FOXN3: variants seen among roughly 807,000 people sequenced by gnomAD.
FOXN3 encodes forkhead box N3, also known as forkhead box protein N3.
In FOXN3, 7 loss-of-function variants were observed where a neutral mutation model predicts 38.4. The observed-to-expected ratio is 0.18, with a 90% CI of 0.10 to 0.34. The LOEUF is 0.34. Among genes scored for constraint, FOXN3 ranks in the 10% least tolerant of loss-of-function variants. FOXN3 has a pLI of 1.00. For synonymous variants in FOXN3, 230 were observed against 242.2 expected, an observed-to-expected ratio of 0.95 and a Z score of 0.47; for missense variants, 456 against 613.4, an observed-to-expected ratio of 0.74 and a Z score of 2.71.
At chr14:89,319,617 C>T (rs1887842369) in intron 3 of FOXN3, among the ~76,000 whole-genome samples, 1 of 152,048 alleles carries the variant, frequency 6.6e-6, no homozygotes, top group South Asian at 2.1e-4. Flanking sequence ...TGCTGAGAAC[C>T]CTCCTGAAAT....
At chr14:89,359,116 T>C (rs948452185) in intron 2 of FOXN3, among the ~76,000 whole-genome samples, 2 of 151,984 alleles carry the variant, frequency 1.3e-5, no homozygotes, top group African/African-American at 4.8e-5. Context: ...GTCAACATGG[T>C]GAAACCTGTC....
chr14:89,392,040 T>C (rs751869748), intron 2 of FOXN3, among the ~76,000 whole-genome samples: 1 of 152,156 alleles, frequency 6.6e-6, no homozygotes, highest in East Asian at 1.9e-4. Context: ...TCATTCCCCA[T>C]CAAAAAATGG....
chr14:89,540,737 CAAAAAA>C (rs34410482), intron 1 of FOXN3, among the ~76,000 whole-genome samples: 1 of 91,236 alleles, frequency 1.1e-5, no homozygotes, highest in African/African-American at 4.5e-5. Context: ...GACTATGTCT[CAAAAAA>C]AAAAAAAAAA....
At chr14:89,360,171 C>T (rs1185896984) in intron 2 of FOXN3, among the ~76,000 whole-genome samples, 2 of 152,132 alleles carry the variant, frequency 1.3e-5, no homozygotes, top group Non-Finnish European at 2.9e-5. Context: ...GCACAAAATG[C>T]CCTCCCCTCC....
At chr14:89,428,870 G>A (rs1030074975) in intron 1 of FOXN3, among the ~76,000 whole-genome samples, 5 of 152,218 alleles carry the variant, frequency 3.3e-5, no homozygotes, top group Non-Finnish European at 7.3e-5. Context: ...ACTTCTGGAT[G>A]GAGGCCAGTC....
chr14:89,498,103 T>G (rs1893722432), intron 1 of FOXN3, among the ~76,000 whole-genome samples: 1 of 151,958 alleles, frequency 6.6e-6, no homozygotes, highest in South Asian at 2.1e-4. Context: ...TGAGTTAGGT[T>G]GTTCTTTTAG....
intron 1 of FOXN3, among the ~76,000 whole-genome samples, chr14:89,607,794 T>C (rs1262432095): frequency 2.0e-5 from 3 of 149,012 alleles, no homozygotes; most frequent in Non-Finnish European, 4.4e-5. Context: ...TGGTAAAATT[T>C]ATGCTTCAAC....
At chr14:89,411,734 T>A (rs1214727884) in intron 2 of FOXN3, among the ~76,000 whole-genome samples, 200 bp downstream of exon 2, 1 of 152,078 alleles carries the variant, frequency 6.6e-6, no homozygotes, top group Non-Finnish European at 1.5e-5. Context: ...TCTCAAATAG[T>A]ACAAATGCTA....
chr14:89,353,322 GGA>G (rs1889055272), intron 2 of FOXN3: 1 of 152,042 alleles, frequency 6.6e-6, no homozygotes. Context: ...ATCTCCTTTT[GGA>G]CACAAGAAAG....
At chr14:89,501,651 G>A (rs1166328972) in intron 1 of FOXN3, among the ~76,000 whole-genome samples, 1 of 152,194 alleles carries the variant, frequency 6.6e-6, no homozygotes, top group African/African-American at 2.4e-5. Context: ...GAAGCTGTCT[G>A]CATAAAGCTC....
chr14:89,543,860 T>C (rs1894835749), intron 1 of FOXN3, among the ~76,000 whole-genome samples: 1 of 152,168 alleles, frequency 6.6e-6, no homozygotes. Context: ...TGCATTCTAG[T>C]ATACAACCGA....
chr14:89,224,281 G>A (rs756485201), intron 4 of FOXN3, among the ~76,000 whole-genome samples: 11 of 152,288 alleles, frequency 7.2e-5, no homozygotes, highest in Middle Eastern at 3.4e-3. Context: ...GTTTAAAGGA[G>A]TTTAATTAAC....
intron 1 of FOXN3, among the ~76,000 whole-genome samples, chr14:89,427,017 A>C (rs1285585631): frequency 1.3e-5 from 2 of 151,994 alleles, no homozygotes; most frequent in Non-Finnish European, 2.9e-5. Context: ...GGATCACTTG[A>C]GGTCAGGAGT....
intron 4 of FOXN3, among the ~76,000 whole-genome samples, chr14:89,230,112 T>C (rs1884763743): frequency 6.6e-6 from 1 of 152,212 alleles, no homozygotes; most frequent in Non-Finnish European, 1.5e-5. Context: ...ATATGGTATC[T>C]CCATAGGAAA....
At chr14:89,451,470 C>G (rs1331283811) in intron 1 of FOXN3, among the ~76,000 whole-genome samples, 1 of 152,178 alleles carries the variant, frequency 6.6e-6, no homozygotes, top group Non-Finnish European at 1.5e-5. Flanking sequence ...GCTTCCGGAC[C>G]AAGTTAAAAT....
chr14:89,179,936 C>G (rs1404964112), intron 5 of FOXN3, among the ~76,000 whole-genome samples: 3 of 152,222 alleles, frequency 2.0e-5, no homozygotes, highest in South Asian at 2.1e-4. Context: ...CAGGGTGATG[C>G]AGGGGCAGTC....
chr14:89,551,059 AGCCTTTG>A (rs1894996687), intron 1 of FOXN3, among the ~76,000 whole-genome samples: 1 of 152,246 alleles, frequency 6.6e-6, no homozygotes, highest in Admixed American at 6.5e-5. Flanking sequence ...ACATCTTATC[AGCCTTTG>A]AAGTTACGCA....
At chr14:89,367,119 T>C (rs1731244921) in intron 2 of FOXN3, among the ~76,000 whole-genome samples, 1 of 152,232 alleles carries the variant, frequency 6.6e-6, no homozygotes, top group Admixed American at 6.5e-5. Flanking sequence ...GTGTTTGTTC[T>C]TGCGGAGTGG....
chr14:89,313,232 T>C (rs370723976), intron 3 of FOXN3, among the ~76,000 whole-genome samples: 3 of 152,152 alleles, frequency 2.0e-5, no homozygotes, highest in Admixed American at 1.3e-4. Context: ...CAAGGGGACA[T>C]TGCACACATA....
Sources: allele counts gnomAD v4.1 joint callset (sites outside exome capture counted in the v4.1 genomes callset), GRCh38; gene constraint gnomAD v4.1.1; transcripts MANE v1.5; gene names NCBI Gene and HGNC (gene_info 2026-07-23, HGNC 2026-07-21).